The following FBXL5 variants were observed in gnomAD, a reference collection of about 807,000 sequenced individuals.
FBXL5 encodes F-box/LRR-repeat protein 5.
FBXL5 carries 26 observed loss-of-function variants against 78.3 expected under a neutral mutation model. The observed-to-expected ratio is 0.33, with a 90% CI of 0.24 to 0.46. FBXL5 has a LOEUF of 0.46. Among genes scored for constraint, FBXL5 ranks in the 20% least tolerant of loss-of-function variants. The pLI, the probability that FBXL5 is intolerant of heterozygous loss-of-function variation, is 1.00. For missense variants in FBXL5, 710 were observed against 829.2 expected (o/e 0.86, Z 1.77); for synonymous variants, 295 against 282.5 (o/e 1.04, Z -0.45).
At chr4:15,630,112 A>G (rs530876577) in intron 6 of FBXL5, among the ~76,000 whole-genome samples, 1 of 152,328 alleles carries the variant, frequency 6.6e-6, no homozygotes, top group South Asian at 2.1e-4. Context: ...TGTTTGGAGT[A>G]GCGATGAAGT....
At chr4:15,645,506 CAG>C (rs1183186380) in intron 1 of FBXL5, among the ~76,000 whole-genome samples, 2 of 152,128 alleles carry the variant, frequency 1.3e-5, no homozygotes, top group Non-Finnish European at 2.9e-5. Context: ...CAGCTCACTG[CAG>C]ACTCTGCCTC....
intron 2 of FBXL5, among the ~76,000 whole-genome samples, chr4:15,641,232 G>C (rs1281539787): frequency 6.6e-6 from 1 of 151,992 alleles, no homozygotes; most frequent in African/African-American, 2.4e-5. Context: ...TATCATTACA[G>C]AATCCCTTTA....
rs573639683 is a variant in FBXL5 at position 15,631,359 on chromosome 4, A to G, written c.767-568T>C. Among the ~76,000 whole-genome samples, 4 of 152,354 alleles carry G rather than the reference A, an allele frequency of 2.6e-5. No homozygotes were observed. The East Asian group carries it at 7.7e-4, about 29-fold the overall frequency. On this transcript the variant is annotated intron_variant, in intron 5 of 10. Transcript: ENST00000341285. ...TGGTTCCAAGTCTTTGCTATTGTGA[A>G]TAGTGCCACAATAAACGTATGTGCG...
At chr4:15,658,615 C>T (rs555437690), upstream of FBXL5, among the ~76,000 whole-genome samples, 1 of 152,270 alleles carries the variant, frequency 6.6e-6, no homozygotes, top group African/African-American at 2.4e-5. Context: ...TCTGCAGAGT[C>T]GCCACCAGAA....
At chr4:15,626,123 A>T (rs972825299) in intron 8 of FBXL5, 146 bp from the exon 9 acceptor site, 17 of 782,540 alleles carry the variant, frequency 2.2e-5, no homozygotes, top group African/African-American at 3.5e-5. Flanking sequence ...TTGTTAAGGT[A>T]CTATTCTTGA....
chr4:15,649,585 AAAAAAAAAAAAAG>A (rs1260385909), intron 1 of FBXL5, among the ~76,000 whole-genome samples: 1 of 151,376 alleles, frequency 6.6e-6, no homozygotes, highest in Non-Finnish European at 1.5e-5. Context: ...TCTCAAAAAA[AAAAAAAAAAAAAG>A]AAAGAAAGAA....
chr4:15,626,015 A>C, intron 8 of FBXL5, 38 bp from the exon 9 acceptor site: 2 of 1,488,794 alleles, frequency 1.3e-6, no homozygotes, highest in Non-Finnish European at 1.8e-6. Context: ...GAATATTGTT[A>C]AATTTTTCAA....
intron 5 of FBXL5, among the ~76,000 whole-genome samples, chr4:15,633,129 G>T (rs1014475386): frequency 2.6e-5 from 4 of 152,164 alleles, no homozygotes; most frequent in African/African-American, 9.7e-5. Context: ...AGGTGGGTTC[G>T]ATTAACGATA....
Position 15,612,412 on chromosome 4 carries a change from A to G in FBXL5, c.1853T>C (p.Val618Ala). Residue 618 changes from valine (V) to alanine (A), a missense_variant and splice_region_variant, in exon 10 of 11, where the codon GTT becomes GCT. Val to Ala is a moderately conservative substitution (Grantham distance 64, BLOSUM62 0). Coordinates refer to ENST00000341285, the MANE Select transcript of FBXL5 (RefSeq NM_012161.4). ...AGGCAGCCCTCCTCCCAGAGTCAAA[A>G]CCCTGTAAGAAAAATAATTTGACAA... ...CYQITDHGLRVLTLGGGLPYL... is the reference protein window; with the variant it reads ...CYQITDHGLRALTLGGGLPYL... The G allele has an allele frequency of 6.2e-7, 1 of 1,605,050 alleles. No homozygotes were observed. The highest frequency in any genetic ancestry group is 8.5e-7 in the Non-Finnish European group (1 of 1,176,908).
intron 1 of FBXL5, among the ~76,000 whole-genome samples, chr4:15,679,143 A>G (rs1182585356): frequency 6.7e-6 from 1 of 149,370 alleles, no homozygotes; most frequent in Non-Finnish European, 1.5e-5. Context: ...GCTCACTGCA[A>G]CCTCCGCCTC....
At chr4:15,636,745 A>G in intron 4 of FBXL5, 69 bp from the exon 5 acceptor site, 2 of 1,185,318 alleles carry the variant, frequency 1.7e-6, no homozygotes, top group Non-Finnish European at 2.3e-6. Context: ...TTACAATTAC[A>G]TTTCTATAAA....
intron 5 of FBXL5, among the ~76,000 whole-genome samples, chr4:15,631,711 G>A (rs979943496): frequency 1.1e-4 from 17 of 152,094 alleles, no homozygotes; most frequent in African/African-American, 3.1e-4. Flanking sequence ...CTGCATAAAC[G>A]TCTTCCTTTG....
chr4:15,624,321 T>G (rs1712789740), intron 9 of FBXL5, among the ~76,000 whole-genome samples: 1 of 152,142 alleles, frequency 6.6e-6, no homozygotes, highest in South Asian at 2.1e-4. Flanking sequence ...TGTATCATTG[T>G]TAGATGCCTT....
chr4:15,669,414 C>A (rs1440302576), intron 1 of FBXL5, among the ~76,000 whole-genome samples: 6 of 152,096 alleles, frequency 3.9e-5, no homozygotes, highest in Non-Finnish European at 7.4e-5. Flanking sequence ...AACAGAATGT[C>A]ATTATATATC....
At chr4:15,643,643 G>C (rs1715108654) in intron 2 of FBXL5, among the ~76,000 whole-genome samples, 1 of 152,204 alleles carries the variant, frequency 6.6e-6, no homozygotes, top group Admixed American at 6.5e-5. Flanking sequence ...CTGACCTCAA[G>C]TGATCCACTA....
intron 1 of FBXL5, among the ~76,000 whole-genome samples, chr4:15,647,287 A>AAC (rs1332700960): frequency 1.0e-3 from 137 of 134,734 alleles, no homozygotes; most frequent in African/African-American, 3.6e-3. Context: ...ACAACAACAA[A>AAC]AAACAATATA....
chr4:15,629,138 AATG>A (rs1713371450), intron 6 of FBXL5, among the ~76,000 whole-genome samples: 2 of 152,110 alleles, frequency 1.3e-5, no homozygotes, highest in South Asian at 4.1e-4. Flanking sequence ...CACTGAAGTA[AATG>A]ACAGTTTAGT....
chr4:15,624,159 T>C (rs1238230504), intron 9 of FBXL5, among the ~76,000 whole-genome samples: 2 of 152,076 alleles, frequency 1.3e-5, no homozygotes, highest in African/African-American at 4.8e-5. Context: ...TTTCTAATGG[T>C]AGGGAGTATT....
chr4:15,644,342 T>C (rs965722667), intron 2 of FBXL5, 151 bp downstream of exon 2: 2 of 656,514 alleles, frequency 3.0e-6, no homozygotes, highest in African/African-American at 3.6e-5. Context: ...GTAGTTCTTT[T>C]TAAATAGTCT....
Sources: gnomAD v4.1 joint callset for allele counts (sites outside exome capture counted in the v4.1 genomes callset) on GRCh38, gnomAD v4.1.1 for gene constraint, MANE v1.5 for transcripts, NCBI Gene and HGNC (gene_info 2026-07-23, HGNC 2026-07-21) for gene names.